ATP2C1: variants seen among roughly 807,000 people sequenced by gnomAD.
ATP2C1 encodes calcium-transporting ATPase type 2C member 1.
Under a neutral mutation model 120.5 loss-of-function variants are expected in ATP2C1, and 31 were observed. The ratio of observed to expected loss-of-function variants is 0.26; its 90% CI spans 0.19 to 0.35. The LOEUF (loss-of-function observed/expected upper bound fraction) is 0.35, where lower values mean the gene tolerates loss of function less well. ATP2C1 is among the 10% of genes least tolerant of loss of function. The pLI, the probability that ATP2C1 is intolerant of heterozygous loss-of-function variation, is 1.00. For missense variants in ATP2C1, 731 were observed against 1,107.5 expected, an observed-to-expected ratio of 0.66 and a Z score of 4.83; for synonymous variants, 351 against 358.7, an observed-to-expected ratio of 0.98 and a Z score of 0.24.
At chr3:130,923,208 A>G (rs1209238873) in intron 2 of ATP2C1, among the ~76,000 whole-genome samples, 2 of 151,808 alleles carry the variant, frequency 1.3e-5, no homozygotes, top group African/African-American at 4.8e-5. Flanking sequence ...TTATCGTTAT[A>G]TAATATCCCT....
At position 130,980,667 on chromosome 3, in the gene ATP2C1, A is replaced by G. The variant is rs1209738209; in HGVS notation, c.1827A>G (p.Gln609=). Residue 609 remains glutamine, a synonymous_variant, in exon 20 of 28, where the codon CAA becomes CAG. Transcript: ENST00000510168. The stretch of plus-strand genomic sequence containing the variant: ...CAATGGATGTTCAGCAGCTTTCACA[A>G]ATAGTACCAAAGGTAGGCCTAAACT... ...IDAMDVQQLS[Q]IVPKVAVFYR... is the part of the protein sequence containing the mutation. 5 of 1,612,512 alleles carry G rather than the reference A, an allele frequency of 3.1e-6. No individual in the cohort carries two copies. The African/African-American group carries it at 6.7e-5, about 22-fold the overall frequency.
In ATP2C1 at chr3:130,933,627, G is replaced by T. The variant is rs73201919; in HGVS notation, c.235-995G>T. Among the ~76,000 whole-genome samples, 1,039 of 152,256 alleles carry T rather than the reference G, an allele frequency of 6.8e-3. 3 individuals carry two copies. Among genetic ancestry groups the T allele is most frequent in the Middle Eastern group, 0.017 (5 of 294 alleles). On this transcript the variant is annotated intron_variant, in intron 4 of 27. Coordinates refer to ENST00000510168, the MANE Select transcript of ATP2C1 (RefSeq NM_001378687.1). ...GCAGTTGCAGTGTTATTTTATTAGGGCAGTTTAACTTATTATTTTTTAAAA... is the reference window on the plus strand; with the variant it reads ...GCAGTTGCAGTGTTATTTTATTAGGTCAGTTTAACTTATTATTTTTTAAAA...
At chr3:131,011,398 G>T (rs578011711) in intron 26 of ATP2C1, among the ~76,000 whole-genome samples, 2 of 152,288 alleles carry the variant, frequency 1.3e-5, no homozygotes, top group South Asian at 4.1e-4. Context: ...AGTTCCTTTT[G>T]TTACTTGAAC....
At chr3:130,929,257 A>G (rs2059352904) in intron 2 of ATP2C1, among the ~76,000 whole-genome samples, 1 of 152,230 alleles carries the variant, frequency 6.6e-6, no homozygotes, top group Non-Finnish European at 1.5e-5. Flanking sequence ...AAATAAGATT[A>G]GAAAACATGA....
rs1383120876 is a variant in ATP2C1, at chr3:130,953,954, T to G, written c.665T>G (p.Leu222Arg). The change falls in exon 9 of 28, where the codon CTG becomes CGG. Residue 222 changes from leucine (L) to arginine (R), a missense_variant. This residue lies in a region of ATP2C1 where 571 missense variants were observed against 845.9 expected (regional missense o/e 0.67). Transcript: ENST00000510168. ...AGTAACATTGCCTTTATGGGAACACTGGTCAGATGTGGCAAAGCAAAGGTA... is the reference window on the plus strand; with the variant it reads ...AGTAACATTGCCTTTATGGGAACACGGGTCAGATGTGGCAAAGCAAAGGTA... ...SRSNIAFMGT[L>R]VRCGKAKGVV... The G allele has an allele frequency of 6.2e-7, 1 of 1,613,954 alleles. No individual in the cohort carries two copies. Among genetic ancestry groups the G allele is most frequent in the Non-Finnish European group, 8.5e-7 (1 of 1,179,950 alleles).
intron 1 of ATP2C1, among the ~76,000 whole-genome samples, chr3:130,885,824 C>A (rs1466260753): frequency 1.3e-5 from 2 of 152,110 alleles, no homozygotes; most frequent in African/African-American, 4.8e-5. Flanking sequence ...TATGTGCTTA[C>A]TATTACCAGC....
intron 8 of ATP2C1, among the ~76,000 whole-genome samples, chr3:130,949,128 A>G (rs1196249274): frequency 6.6e-6 from 1 of 152,152 alleles, no homozygotes; most frequent in East Asian, 1.9e-4. Context: ...CAAAAGCTAG[A>G]AATGATTAAG....
At chr3:130,862,811 C>A (rs1466471316) in intron 1 of ATP2C1, among the ~76,000 whole-genome samples, 3 of 152,188 alleles carry the variant, frequency 2.0e-5, no homozygotes. Context: ...AAGGGTATCC[C>A]CATCTCAACT....
exon 27 of ATP2C1, chr3:131,016,665 C>T (rs529551500): frequency 1.4e-4 from 50 of 354,448 alleles, no homozygotes; most frequent in Middle Eastern, 1.9e-3. Flanking sequence ...ATGAAAAATA[C>T]AAATGACTAT....
chr3:130,965,863 T>C (rs552503403), intron 14 of ATP2C1, among the ~76,000 whole-genome samples: 2 of 152,262 alleles, frequency 1.3e-5, no homozygotes, highest in South Asian at 2.1e-4. Flanking sequence ...AGGAGCTATA[T>C]TGCCTAGCAC....
At chr3:130,982,053 T>A (rs2061790617) in intron 20 of ATP2C1, among the ~76,000 whole-genome samples, 1 of 152,172 alleles carries the variant, frequency 6.6e-6, no homozygotes, top group Non-Finnish European at 1.5e-5. Flanking sequence ...AATTTCTTCT[T>A]TTATGGACTA....
chr3:130,910,438 T>C (rs2058349309), intron 2 of ATP2C1, among the ~76,000 whole-genome samples: 2 of 141,976 alleles, frequency 1.4e-5, no homozygotes, highest in African/African-American at 5.3e-5. Flanking sequence ...ATACCCTTTA[T>C]TTCCTTCTCC....
At chr3:130,850,647 A>T (rs2067649010) in exon 1 of ATP2C1, 2 of 433,042 alleles carry the variant, frequency 4.6e-6, no homozygotes, top group African/African-American at 4.1e-5. Flanking sequence ...GTCTGGTTTC[A>T]CCAGGAACTC....
intron 2 of ATP2C1, among the ~76,000 whole-genome samples, chr3:130,910,526 A>T (rs560800163): frequency 9.8e-5 from 14 of 142,280 alleles, no homozygotes; most frequent in Admixed American, 2.8e-4. Context: ...GTCTTGTGCC[A>T]GTTTTCAAAG....
chr3:130,936,042 C>T (rs1462488327), intron 5 of ATP2C1, among the ~76,000 whole-genome samples: 1 of 152,038 alleles, frequency 6.6e-6, no homozygotes, highest in Non-Finnish European at 1.5e-5. Flanking sequence ...CGAATCAGAC[C>T]AAGGAAAGGC....
intron 18 of ATP2C1, among the ~76,000 whole-genome samples, 161 bp from the exon 19 acceptor site, chr3:130,979,088 A>C (rs767894179): frequency 5.9e-5 from 9 of 152,212 alleles, no homozygotes; most frequent in Non-Finnish European, 1.0e-4. Context: ...CCATTAAACT[A>C]TAATGTTTTG....
chr3:130,996,366 T>C, intron 23 of ATP2C1: 1 of 575,058 alleles, frequency 1.7e-6, no homozygotes, highest in Non-Finnish European at 3.1e-6. Flanking sequence ...TCACATCTCA[T>C]TGTTTCCTCT....
rs1470208503 is a variant in ATP2C1 at position 130,975,479 on chromosome 3, G to A, written c.1561G>A (p.Gly521Arg). 6.2e-6 allele frequency: 10 copies of A among 1,613,600 alleles called. No homozygotes were observed. The highest frequency in any genetic ancestry group is 8.5e-6 in the Non-Finnish European group (10 of 1,179,760). ...QQEKARMGSA[G>R]LRVLALASGP... ...AGAGAAGGCACGCATGGGCTCAGCGGGACTCAGAGGTAAGGCTATTTCAGC... is the reference window on the plus strand; with the variant it reads ...AGAGAAGGCACGCATGGGCTCAGCGAGACTCAGAGGTAAGGCTATTTCAGC... The change falls in exon 18 of 28, where the codon GGA (glycine) becomes AGA (arginine). Residue 521 changes from glycine to arginine, a missense_variant. Physicochemically the swap from Gly to Arg is moderately radical, Grantham distance 125. This residue lies in a region of ATP2C1 where 571 missense variants were observed against 845.9 expected (regional missense o/e 0.67). Transcript: ENST00000510168.
At position 130,999,369 on chromosome 3, in the gene ATP2C1, A is replaced by C. The variant is rs1180762396; in HGVS notation, c.2488-149A>C. On this transcript the variant is annotated intron_variant, in intron 26 of 27. Coordinates refer to ENST00000510168, the MANE Select transcript of ATP2C1 (RefSeq NM_001378687.1). ...TATTCCATCTGAATTATTCCAAAAC[A>C]GTAGTAAAATTTAAGATATTTCATA... The C allele has an allele frequency of 7.1e-6, 5 of 700,684 alleles. No homozygotes were observed. In the East Asian group the frequency reaches 1.4e-4, roughly 19 times the overall value. The allele number at this position is 700,684 out of a possible 1,614,324, so 43.4% of individuals were successfully genotyped here.
Sources: gnomAD v4.1 joint callset for allele counts (sites outside exome capture counted in the v4.1 genomes callset) on GRCh38, gnomAD v4.1.1 for gene constraint, gnomAD v4.1.1 regional missense constraint, MANE v1.5 for transcripts, NCBI Gene and HGNC (gene_info 2026-07-23, HGNC 2026-07-21) for gene names.